Variants in SWAP70 observed in about 807,000 individuals in gnomAD.
The protein encoded by SWAP70 is switching B cell complex subunit SWAP70.
Under a neutral mutation model 80.2 loss-of-function variants are expected in SWAP70, and 34 were observed. That is an observed-to-expected ratio of 0.42 (90% CI 0.32 to 0.56). SWAP70 has a LOEUF of 0.56. Ranked by LOEUF, SWAP70 falls within the 20% of genes least tolerant of loss-of-function variation. SWAP70 has a pLI of 0.09. For missense variants in SWAP70, 578 were observed against 690.7 expected, an observed-to-expected ratio of 0.84 and a Z score of 1.83; for synonymous variants, 239 against 238.5, an observed-to-expected ratio of 1.00 and a Z score of -0.02.
intron 1 of SWAP70, among the ~76,000 whole-genome samples, chr11:9,678,542 G>GTT (rs1302929701): frequency 8.9e-6 from 1 of 111,832 alleles, no homozygotes; most frequent in Non-Finnish European, 1.8e-5. Flanking sequence ...ACTCTGAGGT[G>GTT]CTTTTTTTTT....
chr11:9,669,616 A>G (rs1850349137), intron 1 of SWAP70, among the ~76,000 whole-genome samples: 2 of 152,172 alleles, frequency 1.3e-5, no homozygotes. Flanking sequence ...TGAATCAGGT[A>G]TTTATGGGGA....
chr11:9,702,792 A>G (rs1420522864), intron 2 of SWAP70, among the ~76,000 whole-genome samples: 2 of 152,200 alleles, frequency 1.3e-5, no homozygotes, highest in African/African-American at 4.8e-5. Context: ...TTGTGAAACT[A>G]TAGAGGACTA....
At chr11:9,710,443 G>A (rs1162112372) in intron 2 of SWAP70, among the ~76,000 whole-genome samples, 1 of 152,104 alleles carries the variant, frequency 6.6e-6, no homozygotes, top group African/African-American at 2.4e-5. Context: ...AGAACACAAA[G>A]GAGCTCTTTC....
At chr11:9,712,735 C>CTTTTT (rs71034736) in intron 2 of SWAP70, among the ~76,000 whole-genome samples, 1 of 132,192 alleles carries the variant, frequency 7.6e-6, no homozygotes, top group African/African-American at 2.8e-5. Flanking sequence ...TATCTTCTTC[C>CTTTTT]TTTTTTTTTT....
intron 2 of SWAP70, among the ~76,000 whole-genome samples, chr11:9,707,187 T>G (rs1292158990): frequency 6.6e-6 from 1 of 152,174 alleles, no homozygotes; most frequent in Admixed American, 6.5e-5. Context: ...TAATGTAAAT[T>G]TATCCTCAAC....
chr11:9,709,166 C>G, intron 2 of SWAP70, among the ~76,000 whole-genome samples: 1 of 151,998 alleles, frequency 6.6e-6, no homozygotes, highest in East Asian at 1.9e-4. Flanking sequence ...CTTTGTCGCC[C>G]AGGCTGGAGT....
chr11:9,673,149 T>A (rs1381992884), intron 1 of SWAP70, among the ~76,000 whole-genome samples: 1 of 152,148 alleles, frequency 6.6e-6, no homozygotes, highest in Non-Finnish European at 1.5e-5. Context: ...GAGGGCTCAG[T>A]CCCACAAGAC....
At chr11:9,694,071 G>C in intron 1 of SWAP70, 75 bp from the exon 2 acceptor site, 1 of 1,468,228 alleles carries the variant, frequency 6.8e-7, no homozygotes, top group Non-Finnish European at 9.1e-7. Flanking sequence ...AGAGGGAGCA[G>C]CATGTTGTAC....
At chr11:9,716,528 A>C (rs78707790) in intron 3 of SWAP70, among the ~76,000 whole-genome samples, 3,861 of 152,330 alleles carry the variant, frequency 0.025, 165 homozygotes, top group African/African-American at 0.087. Flanking sequence ...CCCCATCTGT[A>C]AAATGGGGAT....
At chr11:9,724,632 A>T (rs760769552) in intron 3 of SWAP70, 26 bp from the exon 4 acceptor site, 1 of 1,542,154 alleles carries the variant, frequency 6.5e-7, no homozygotes, top group South Asian at 1.2e-5. Context: ...TAACTAGGAA[A>T]TAATTATTTC....
At chr11:9,671,754 A>ATATTTCTATT (rs1385771796) in intron 1 of SWAP70, among the ~76,000 whole-genome samples, 1 of 57,040 alleles carries the variant, frequency 1.8e-5, no homozygotes, top group African/African-American at 5.9e-5. Context: ...AAATATAAAT[A>ATATTTCTATT]TATAAATATA....
rs1197405302 is a variant in SWAP70 at position 9,705,206 on chromosome 11, A to G, written c.241-8260A>G. ...ATCTGTATACACTGGTGATCTGTAT[A>G]CACTGGTGATCTGTATGCACTGGTG... On this transcript the variant is annotated intron_variant, in intron 2 of 11. Transcript: ENST00000318950. Among the ~76,000 whole-genome samples, 7 of 139,450 alleles carry G rather than the reference A, an allele frequency of 5.0e-5. 1 individual carries two copies. Among genetic ancestry groups the G allele is most frequent in the African/African-American group, 1.5e-4 (5 of 33,908 alleles). The allele number at this position is 139,450 out of a possible 152,430, so 91.5% of individuals were successfully genotyped here. A position where few individuals can be genotyped will look rare whatever the true frequency, so the allele number is the denominator to read the frequency against.
intron 9 of SWAP70, chr11:9,740,686 T>C: frequency 2.8e-6 from 1 of 351,110 alleles, no homozygotes; most frequent in South Asian, 2.5e-5. Context: ...TTCAACACGC[T>C]CCAGACCAGA....
In SWAP70 at chr11:9,724,874, G is replaced by A. The variant is rs543379513; in HGVS notation, c.631G>A (p.Val211Met). 1.0e-5 allele frequency: 16 copies of A among 1,587,828 alleles called. No individual in the cohort carries two copies. The highest frequency in any genetic ancestry group is 8.0e-5 in the South Asian group (7 of 87,074). ...NEVFNELILDVLKQGYMMKKG... is the reference protein window; with the variant it reads ...NEVFNELILDMLKQGYMMKKG... Reference sequence around the variant, plus strand: ...AGTCTTTAATGAACTTATATTAGATGTGTTAAAGCAGGTAAGAATTCTGTT... The same window carrying A: ...AGTCTTTAATGAACTTATATTAGATATGTTAAAGCAGGTAAGAATTCTGTT... Residue 211 changes from valine to methionine, a missense_variant, in exon 4 of 12, where the codon GTG becomes ATG. Coordinates refer to ENST00000318950, the MANE Select transcript of SWAP70 (RefSeq NM_015055.4).
chr11:9,732,467 G>A, intron 6 of SWAP70, 62 bp from the exon 7 acceptor site: 1 of 1,494,716 alleles, frequency 6.7e-7, no homozygotes. Context: ...CATTTGCATA[G>A]TAGGCTTACA....
chr11:9,749,838 G>T (rs1851562201), intron 11 of SWAP70, 26 bp from the exon 12 acceptor site: 1 of 1,428,830 alleles, frequency 7.0e-7, no homozygotes, highest in Non-Finnish European at 9.9e-7. Context: ...AATACTTCCT[G>T]TATTTAAAGC....
intron 7 of SWAP70, among the ~76,000 whole-genome samples, chr11:9,735,600 G>A (rs1014328719): frequency 2.6e-5 from 4 of 152,220 alleles, no homozygotes; most frequent in Non-Finnish European, 5.9e-5. Flanking sequence ...GCCATCTTGA[G>A]TGTTGCTATT....
chr11:9,723,837 A>G (rs1851172090), intron 3 of SWAP70, among the ~76,000 whole-genome samples: 1 of 150,390 alleles, frequency 6.6e-6, no homozygotes, highest in Non-Finnish European at 1.5e-5. Flanking sequence ...CAGTGGCACA[A>G]TCGCCGCTCA....
intron 3 of SWAP70, 124 bp downstream of exon 3, chr11:9,713,763 G>T: frequency 1.8e-6 from 2 of 1,141,390 alleles, no homozygotes; most frequent in Admixed American, 2.3e-5. Context: ...TTTTGGATCA[G>T]AGGCAAAGCA....
Sources: allele counts gnomAD v4.1 joint callset (sites outside exome capture counted in the v4.1 genomes callset), GRCh38; gene constraint gnomAD v4.1.1; transcripts MANE v1.5; gene names NCBI Gene and HGNC (gene_info 2026-07-23, HGNC 2026-07-21).